Variants in CFAP57 observed in about 807,000 individuals in gnomAD.
CFAP57 encodes cilia and flagella associated protein 57, also known as cilia- and flagella-associated protein 57.
A neutral mutation model predicts 146.8 loss-of-function variants in CFAP57; 116 were observed. The observed-to-expected ratio is 0.79, with a 90% CI of 0.68 to 0.92. CFAP57 has a LOEUF of 0.92. Ranked by LOEUF, CFAP57 falls within the 40% of genes least tolerant of loss-of-function variation. The probability of loss-of-function intolerance (pLI) is 0.00; values close to 1 mark genes in which losing one functional copy is unlikely to be tolerated. For synonymous variants in CFAP57, 518 were observed against 552.8 expected (o/e 0.94, Z 0.88); for missense variants, 1,377 against 1,527.2 (o/e 0.90, Z 1.64).
Position 43,249,597 on chromosome 1 carries a change from CTTTTTTTTTT to C in CFAP57, c.3539-4363_3539-4354del, listed in dbSNP as rs35050145. 6.6e-4 allele frequency among the ~76,000 whole-genome samples: 35 copies of C among 52,642 alleles called. 1 individual carries two copies. The highest frequency in any genetic ancestry group is 2.5e-3 in the African/African-American group (33 of 12,976). The allele number at this position is 52,642 out of a possible 152,430, so 34.5% of individuals were successfully genotyped here. ...GGCACACGCCACCACACCCAGCTAA[CTTTTTTTTTT>C]TTTTTTTTTTTTTTTTAGTAGAAAT... is the stretch of plus-strand genomic sequence containing the variant. On this transcript the variant is annotated intron_variant, in intron 22 of 22. Transcript: ENST00000372492.
chr1:43,214,506 G>A (rs897341328), intron 11 of CFAP57, among the ~76,000 whole-genome samples: 3 of 152,100 alleles, frequency 2.0e-5, no homozygotes. Flanking sequence ...AGTTTGTATA[G>A]CCATTCACCT....
chr1:43,209,224 T>C (rs1015096089), intron 10 of CFAP57, among the ~76,000 whole-genome samples: 3 of 152,208 alleles, frequency 2.0e-5, no homozygotes, highest in Admixed American at 6.5e-5. Flanking sequence ...TGGTTTTGCT[T>C]ATGTAATGAG....
chr1:43,174,481 G>T (rs61776946), intron 2 of CFAP57, among the ~76,000 whole-genome samples: 11,666 of 152,064 alleles, frequency 0.077, 755 homozygotes, highest in African/African-American at 0.17. Flanking sequence ...TGTGTTACCT[G>T]TGCTGGTAAG....
At chr1:43,190,293 C>T (rs372044949) in intron 6 of CFAP57, among the ~76,000 whole-genome samples, 6 of 94,194 alleles carry the variant, frequency 6.4e-5, no homozygotes, top group Admixed American at 1.6e-4. Flanking sequence ...TTTTTTGAGA[C>T]GGAGTCTCGC....
chr1:43,198,629 G>C lies in CFAP57; in HGVS notation c.1411G>C (p.Val471Leu), dbSNP rs1258688955. ...DDIRSFKEYS[V>L]RGCGECSFSN... is the part of the protein sequence containing the mutation. ...TATACGTTCTTTCAAAGAATACTCT[G>C]TTAGAGGATGCGGAGAGGTAAAAAA... The change falls in exon 8 of 23, where the codon GTT becomes CTT. Residue 471 changes from valine (V) to leucine (L), a missense_variant. Physicochemically the swap from Val to Leu is conservative, Grantham distance 32. Coordinates refer to ENST00000372492, the MANE Select transcript of CFAP57 (RefSeq NM_001378189.1). 4.3e-6 allele frequency: 7 copies of C among 1,611,444 alleles called. No homozygotes were observed. The highest frequency in any genetic ancestry group is 5.9e-6 in the Non-Finnish European group (7 of 1,179,176).
chr1:43,218,235 AC>A (rs1644911956), intron 12 of CFAP57, among the ~76,000 whole-genome samples: 1 of 152,180 alleles, frequency 6.6e-6, no homozygotes. Context: ...ATCAACATTA[AC>A]TTTTTAAGGA....
chr1:43,234,253 C>T, intron 19 of CFAP57, 26 bp from the exon 20 acceptor site: 3 of 1,534,932 alleles, frequency 2.0e-6, no homozygotes, highest in South Asian at 1.2e-5. Context: ...CCCTACAGCA[C>T]CAGAAGGAAA....
intron 21 of CFAP57, 36 bp downstream of exon 21, chr1:43,234,674 A>C (rs1645618802): frequency 1.3e-6 from 2 of 1,527,390 alleles, no homozygotes; most frequent in Non-Finnish European, 1.8e-6. Flanking sequence ...TGTGGAGGCC[A>C]AGCCATCCAA....
In CFAP57 at chr1:43,238,695, AACTTAT is replaced by A. The variant is rs979728168; in HGVS notation, c.3405+4064_3405+4069del. Among the ~76,000 whole-genome samples the A allele has an allele frequency of 6.6e-6, 1 of 152,214 alleles. No individual in the cohort carries two copies. The highest frequency in any genetic ancestry group is 1.5e-5 in the Non-Finnish European group (1 of 68,034). Reference sequence around the variant, plus strand: ...CCAGAAAACATTTTGCAGGTAGCCCAACTTATACTTATTGGGAGTGTCCTTGGCCAT... The same window carrying A: ...CCAGAAAACATTTTGCAGGTAGCCCAACTTATTGGGAGTGTCCTTGGCCAT... On this transcript the variant is annotated intron_variant, in intron 21 of 22. Transcript: ENST00000372492. The surrounding 1 kb of genome is among the most constrained non-coding windows in gnomAD (Gnocchi z 4.3).
At chr1:43,202,500 G>C (rs1005387665) in intron 9 of CFAP57, among the ~76,000 whole-genome samples, 6 of 152,068 alleles carry the variant, frequency 3.9e-5, no homozygotes, top group Non-Finnish European at 7.4e-5. Context: ...ATCTGAAAGG[G>C]GTCCGGGCGC....
At chr1:43,236,284 C>T (rs960185619) in intron 21 of CFAP57, among the ~76,000 whole-genome samples, 5 of 151,988 alleles carry the variant, frequency 3.3e-5, no homozygotes, top group African/African-American at 9.7e-5. Context: ...TGCGGGTCTC[C>T]GGGTCCCTAC....
intron 22 of CFAP57, among the ~76,000 whole-genome samples, chr1:43,248,465 G>A (rs990261814): frequency 6.1e-5 from 9 of 148,166 alleles, no homozygotes; most frequent in South Asian, 2.1e-4. Flanking sequence ...CTACAGGCAC[G>A]TGCCACCAGA....
At chr1:43,214,674 A>C (rs1644767008) in intron 11 of CFAP57, among the ~76,000 whole-genome samples, 1 of 152,114 alleles carries the variant, frequency 6.6e-6, no homozygotes, top group Non-Finnish European at 1.5e-5. Flanking sequence ...GTGTATATTC[A>C]GGTTTGTTTT....
intron 22 of CFAP57, among the ~76,000 whole-genome samples, chr1:43,243,717 C>A (rs1240400049): frequency 6.6e-6 from 1 of 152,188 alleles, no homozygotes; most frequent in Non-Finnish European, 1.5e-5. Context: ...AATATTCACA[C>A]TAAGCTTCCT....
chr1:43,212,624 A>C (rs896705241), intron 11 of CFAP57, among the ~76,000 whole-genome samples: 7 of 151,716 alleles, frequency 4.6e-5, no homozygotes, highest in African/African-American at 1.7e-4. Flanking sequence ...TTACTCTGCT[A>C]TCAAACATTA....
chr1:43,183,969 C>A, intron 4 of CFAP57, 92 bp downstream of exon 4: 1 of 1,528,800 alleles, frequency 6.5e-7, no homozygotes, highest in Non-Finnish European at 9.0e-7. Flanking sequence ...CTCATAACCC[C>A]TCTACCGTAA....
In CFAP57 at chr1:43,198,392, C is replaced by T. The variant is rs1281032545; in HGVS notation, c.1263-89C>T. The T allele has an allele frequency of 9.9e-6, 14 of 1,415,580 alleles. No individual in the cohort carries two copies. The African/African-American group carries it at 1.1e-4, about 11-fold the overall frequency. The allele number at this position is 1,415,580 out of a possible 1,614,324, so 87.7% of individuals were successfully genotyped here. A position where few individuals can be genotyped will look rare whatever the true frequency, so the allele number is the denominator to read the frequency against. On this transcript the variant is annotated intron_variant, in intron 7 of 22. Coordinates refer to ENST00000372492, the MANE Select transcript of CFAP57 (RefSeq NM_001378189.1). ...TGCAAACAGTAGTGTGTCTCAAATA[C>T]GATGATAACAATATATATCAGATAC...
At chr1:43,187,483 A>T (rs1643212663) in intron 6 of CFAP57, among the ~76,000 whole-genome samples, 1 of 152,114 alleles carries the variant, frequency 6.6e-6, no homozygotes, top group East Asian at 1.9e-4. Context: ...TAACAACTTA[A>T]TTGAGTTATG....
chr1:43,206,583 G>T, intron 9 of CFAP57, 137 bp from the exon 10 acceptor site: 1 of 768,102 alleles, frequency 1.3e-6, no homozygotes, highest in Admixed American at 2.1e-5. Context: ...GCTATGTTTT[G>T]TGCTAACAGA....
Sources: allele counts gnomAD v4.1 joint callset (sites outside exome capture counted in the v4.1 genomes callset), GRCh38; gene constraint gnomAD v4.1.1; non-coding constraint Gnocchi (gnomAD v3.1); transcripts MANE v1.5; gene names NCBI Gene and HGNC (gene_info 2026-07-23, HGNC 2026-07-21).